Variants in RABGAP1L observed in about 807,000 individuals in gnomAD.
RABGAP1L encodes the protein rab GTPase-activating protein 1-like.
Under a neutral mutation model 137.7 loss-of-function variants are expected in RABGAP1L, and 63 were observed. That is an observed-to-expected ratio of 0.46 (90% CI 0.37 to 0.56). The LOEUF is 0.56. Ranked by LOEUF, RABGAP1L falls within the 20% of genes least tolerant of loss-of-function variation. The pLI, the probability that RABGAP1L is intolerant of heterozygous loss-of-function variation, is 0.00. For synonymous variants in RABGAP1L, 431 were observed against 433.7 expected (o/e 0.99, Z 0.08); for missense variants, 1,095 against 1,244.0 (o/e 0.88, Z 1.80).
At chr1:174,920,179 G>T (rs1031920813) in intron 19 of RABGAP1L, among the ~76,000 whole-genome samples, 2 of 152,184 alleles carry the variant, frequency 1.3e-5, no homozygotes, top group Non-Finnish European at 2.9e-5. Flanking sequence ...ATTTTCACAT[G>T]CTAATAAAGA....
At chr1:174,256,950 T>C (rs912419634) in intron 7 of RABGAP1L, among the ~76,000 whole-genome samples, 4 of 152,204 alleles carry the variant, frequency 2.6e-5, no homozygotes, top group African/African-American at 7.2e-5. Flanking sequence ...ACATTTTGTA[T>C]TCAGTCCTTG....
At position 174,159,535 on chromosome 1, in the gene RABGAP1L, C is replaced by T. The variant is rs1241322670; in HGVS notation, c.-156C>T. 6.6e-6 allele frequency: 1 copy of T among 152,316 alleles called. No individual in the cohort carries two copies. Among genetic ancestry groups the T allele is most frequent in the Non-Finnish European group, 1.5e-5 (1 of 68,102 alleles). The allele number at this position is 152,316 out of a possible 1,614,324, so 9.4% of individuals were successfully genotyped here. A position where few individuals can be genotyped will look rare whatever the true frequency, so the allele number is the denominator to read the frequency against. On this transcript the variant is annotated 5_prime_UTR_variant, in exon 1 of 26. Coordinates refer to ENST00000681986, the MANE Select transcript of RABGAP1L (RefSeq NM_001366446.1). ...CTCCCCTCTCAGTTCCCTCCGCCCTCCTCGGGCTCCAGCGGTGGCGGAGCG... is the reference window on the plus strand; with the variant it reads ...CTCCCCTCTCAGTTCCCTCCGCCCTTCTCGGGCTCCAGCGGTGGCGGAGCG...
At chr1:174,366,566 T>G (rs929862821) in intron 11 of RABGAP1L, among the ~76,000 whole-genome samples, 5 of 151,962 alleles carry the variant, frequency 3.3e-5, no homozygotes, top group Non-Finnish European at 7.4e-5. Flanking sequence ...GGTCAGGAGT[T>G]TGAGACCCAC....
chr1:174,268,605 G>T (rs537210707), intron 7 of RABGAP1L, among the ~76,000 whole-genome samples: 2 of 152,056 alleles, frequency 1.3e-5, no homozygotes, highest in Non-Finnish European at 2.9e-5. Context: ...GGAGATATAT[G>T]TAATTCCTAA....
intron 13 of RABGAP1L, among the ~76,000 whole-genome samples, chr1:174,403,143 CT>C (rs1648809651): frequency 6.6e-6 from 1 of 151,554 alleles, no homozygotes; most frequent in Non-Finnish European, 1.5e-5. Flanking sequence ...CTCTCTACCA[CT>C]TGAATTCCTG....
At chr1:174,538,346 T>C (rs180960415) in intron 13 of RABGAP1L, among the ~76,000 whole-genome samples, 14 of 152,328 alleles carry the variant, frequency 9.2e-5, no homozygotes, top group Admixed American at 7.8e-4. Context: ...CCTTCCCTTA[T>C]AGTTCTTTAC....
chr1:174,514,929 C>T (rs1662681554), intron 13 of RABGAP1L, among the ~76,000 whole-genome samples: 1 of 152,066 alleles, frequency 6.6e-6, no homozygotes, highest in South Asian at 2.1e-4. Context: ...TGTCTTTTGA[C>T]ATTTTCCATA....
chr1:174,397,959 TTTTG>T (rs1478351173), intron 13 of RABGAP1L, among the ~76,000 whole-genome samples: 2 of 152,162 alleles, frequency 1.3e-5, no homozygotes, highest in Non-Finnish European at 2.9e-5. Flanking sequence ...AGTTTAGTGT[TTTTG>T]TTTGTTTGTT....
chr1:174,723,401 G>T (rs972354468), intron 17 of RABGAP1L, among the ~76,000 whole-genome samples: 3 of 152,156 alleles, frequency 2.0e-5, no homozygotes, highest in African/African-American at 7.2e-5. Flanking sequence ...AAAATTTTTT[G>T]AATATTGGCA....
At chr1:174,302,504 G>C (rs540490752) in intron 10 of RABGAP1L, among the ~76,000 whole-genome samples, 1 of 152,354 alleles carries the variant, frequency 6.6e-6, no homozygotes, top group Non-Finnish European at 1.5e-5. Flanking sequence ...CAGGTGAAGA[G>C]TTAAGGAGGA....
chr1:174,891,946 A>C (rs1357124732), intron 19 of RABGAP1L, among the ~76,000 whole-genome samples: 1 of 139,688 alleles, frequency 7.2e-6, no homozygotes, highest in Non-Finnish European at 1.5e-5. Flanking sequence ...TACTACTCTG[A>C]GGTAATCTCC....
In RABGAP1L at chr1:174,786,014, A is replaced by G. The variant is rs546838773; in HGVS notation, c.2212-25818A>G. On this transcript the variant is annotated intron_variant, in intron 18 of 25. Coordinates refer to ENST00000681986, the MANE Select transcript of RABGAP1L (RefSeq NM_001366446.1). ...AAATTTGAACTCAGTTATTTGACTA[A>G]TGTGTGTATACCATCTGGCTAACTC... 9.8e-5 allele frequency among the ~76,000 whole-genome samples: 15 copies of G among 152,346 alleles called. No homozygotes were observed. The East Asian group carries it at 2.9e-3, about 29-fold the overall frequency.
At position 174,754,953 on chromosome 1, in the gene RABGAP1L, T is replaced by A. The variant is rs563333857; in HGVS notation, c.2211+2599T>A. Reference sequence around the variant, plus strand: ...CTCTGTGTTAAGTACTAACAGATTATCTCATTAACATACATTAAATGTCTA... The same window carrying A: ...CTCTGTGTTAAGTACTAACAGATTAACTCATTAACATACATTAAATGTCTA... On this transcript the variant is annotated intron_variant, in intron 18 of 25. Transcript: ENST00000681986. Among the ~76,000 whole-genome samples, 382 of 152,360 alleles carry A rather than the reference T, an allele frequency of 2.5e-3. 3 individuals carry two copies. The highest frequency in any genetic ancestry group is 8.7e-3 in the African/African-American group (362 of 41,586).
intron 11 of RABGAP1L, among the ~76,000 whole-genome samples, chr1:174,339,734 G>T (rs1388924010): frequency 1.3e-5 from 2 of 151,880 alleles, no homozygotes; most frequent in Admixed American, 1.3e-4. Flanking sequence ...AGCCTCCCGA[G>T]TAGTTGGGAT....
intron 18 of RABGAP1L, 22 bp downstream of exon 18, chr1:174,752,376 A>G (rs1211491283): frequency 6.6e-7 from 1 of 1,514,154 alleles, no homozygotes; most frequent in Admixed American, 1.9e-5. Flanking sequence ...TTTTAATCTT[A>G]AGTTACCACA....
intron 13 of RABGAP1L, 137 bp downstream of exon 13, chr1:174,394,282 C>G (rs374256338): frequency 1.0e-6 from 1 of 980,672 alleles, no homozygotes; most frequent in African/African-American, 1.6e-5. Context: ...GTACTTCTAC[C>G]TTTTGTTCTG....
intron 13 of RABGAP1L, among the ~76,000 whole-genome samples, chr1:174,501,412 C>T (rs1472204789): frequency 6.6e-6 from 1 of 152,064 alleles, no homozygotes; most frequent in African/African-American, 2.4e-5. Context: ...TGGTCTTGCA[C>T]TCCTGACCTA....
chr1:174,249,782 A>G (rs1477411516), intron 5 of RABGAP1L, among the ~76,000 whole-genome samples: 1 of 151,950 alleles, frequency 6.6e-6, no homozygotes, highest in Non-Finnish European at 1.5e-5. Context: ...AGCTAGGATT[A>G]CAGGTGTGCA....
intron 19 of RABGAP1L, among the ~76,000 whole-genome samples, chr1:174,910,950 A>G (rs1659955112): frequency 6.6e-6 from 1 of 152,210 alleles, no homozygotes; most frequent in Admixed American, 6.5e-5. Flanking sequence ...TCCACTCTTC[A>G]CTAACATATG....
Sources: gnomAD v4.1 joint callset for allele counts (sites outside exome capture counted in the v4.1 genomes callset) on GRCh38, gnomAD v4.1.1 for gene constraint, MANE v1.5 for transcripts, NCBI Gene and HGNC (gene_info 2026-07-23, HGNC 2026-07-21) for gene names.